Variants in MIR2052HG observed in about 807,000 individuals in gnomAD.
MIR2052HG encodes MIR2052 host gene.
chr8:74,728,742 C>T (rs192375695), intron 4 of MIR2052HG, among the ~76,000 whole-genome samples: 13 of 152,184 alleles, frequency 8.5e-5, no homozygotes, highest in Admixed American at 3.3e-4. Flanking sequence ...GAAGAAAATA[C>T]GGAGTATTCA....
chr8:74,621,277 CA>C (rs1324600585), intron 2 of MIR2052HG, among the ~76,000 whole-genome samples: 1 of 152,206 alleles, frequency 6.6e-6, no homozygotes, highest in Non-Finnish European at 1.5e-5. Context: ...CTGAGTCCTC[CA>C]AACTGTTCCA....
chr8:74,681,988 G>C (rs953860090), intron 2 of MIR2052HG, among the ~76,000 whole-genome samples: 1 of 152,286 alleles, frequency 6.6e-6, no homozygotes, highest in East Asian at 1.9e-4. Context: ...GGTTACCTAT[G>C]TAGGGGGATT....
chr8:74,741,213 A>G (rs187705696), intron 4 of MIR2052HG, among the ~76,000 whole-genome samples: 2 of 152,342 alleles, frequency 1.3e-5, no homozygotes, highest in Non-Finnish European at 2.9e-5. Context: ...ATGTTTGCCA[A>G]CATACTTGTA....
intron 1 of MIR2052HG, chr8:74,604,377 G>C (rs1250323732): frequency 9.5e-6 from 4 of 419,756 alleles, no homozygotes; most frequent in Admixed American, 6.4e-5. Flanking sequence ...GGAAGGGCGG[G>C]AGGCCGGGGG....
rs1025122469 is a variant in MIR2052HG, at chr8:74,737,679, T to A, written n.372-14762T>A. ...AGTCTAATCCTTCGTTCCCTTGGCC[T>A]GGATTCATGAGCCCACAACCTGACT... On this transcript the variant is annotated intron_variant and non_coding_transcript_variant, in intron 4 of 6. Transcript: ENST00000523442. 2.0e-5 allele frequency among the ~76,000 whole-genome samples: 3 copies of A among 152,320 alleles called. No homozygotes were observed. The South Asian group carries it at 6.2e-4, about 32-fold the overall frequency.
At chr8:74,605,919 A>G (rs1808103595) in intron 1 of MIR2052HG, among the ~76,000 whole-genome samples, 1 of 152,194 alleles carries the variant, frequency 6.6e-6, no homozygotes, top group Non-Finnish European at 1.5e-5. Context: ...ACACTTTGAG[A>G]CAAATTAAGA....
chr8:74,662,042 A>T lies in MIR2052HG; in HGVS notation n.217-40337A>T, dbSNP rs115410696. The stretch of plus-strand genomic sequence containing the variant: ...CTAAAATACACAGGTTAAAAATTTT[A>T]CCCTACCTTTAGGCATAGTTATTCC... On this transcript the variant is annotated intron_variant and non_coding_transcript_variant, in intron 2 of 6. Coordinates refer to ENST00000523442, the Ensembl canonical transcript of MIR2052HG. Among the ~76,000 whole-genome samples, 1,461 of 152,272 alleles carry T rather than the reference A, an allele frequency of 9.6e-3. 23 individuals are homozygous for T. Among genetic ancestry groups the T allele is most frequent in the African/African-American group, 0.032 (1,331 of 41,536 alleles).
chr8:74,637,279 C>A (rs1312650052), intron 2 of MIR2052HG, among the ~76,000 whole-genome samples: 1 of 152,028 alleles, frequency 6.6e-6, no homozygotes, highest in Admixed American at 6.6e-5. Flanking sequence ...TTAGGGTGTA[C>A]ATGGAAAAGA....
chr8:74,687,775 TTAATAA>T (rs1435105764), intron 2 of MIR2052HG, among the ~76,000 whole-genome samples: 1 of 152,132 alleles, frequency 6.6e-6, no homozygotes, highest in Non-Finnish European at 1.5e-5. Context: ...ATACTTATAG[TTAATAA>T]TAATGCATTG....
chr8:74,695,908 G>A (rs934717172), intron 2 of MIR2052HG, among the ~76,000 whole-genome samples: 1 of 151,964 alleles, frequency 6.6e-6, no homozygotes, highest in Non-Finnish European at 1.5e-5. Context: ...CAGCACTAGA[G>A]AGGTCATCAA....
chr8:74,644,637 T>G lies in MIR2052HG; in HGVS notation n.216+31697T>G, dbSNP rs186356864. 4.1e-4 allele frequency among the ~76,000 whole-genome samples: 62 copies of G among 152,204 alleles called. 1 individual carries two copies. The highest frequency in any genetic ancestry group is 1.5e-3 in the African/African-American group (61 of 41,524). ...CGGGCACAGTGGCTCACGCCTACAA[T>G]CCTAGCACTTTGGGGGGCTGAGGCA... On this transcript the variant is annotated intron_variant and non_coding_transcript_variant, in intron 2 of 6. Coordinates refer to ENST00000523442, the Ensembl canonical transcript of MIR2052HG.
At chr8:74,704,566 C>G (rs530490553) in intron 4 of MIR2052HG, among the ~76,000 whole-genome samples, 17 of 151,994 alleles carry the variant, frequency 1.1e-4, no homozygotes, top group African/African-American at 4.1e-4. Flanking sequence ...AAATCTGATG[C>G]CTACAGGCCT....
At chr8:74,648,189 A>G (rs1365081061) in intron 2 of MIR2052HG, among the ~76,000 whole-genome samples, 1 of 152,188 alleles carries the variant, frequency 6.6e-6, no homozygotes, top group Non-Finnish European at 1.5e-5. Context: ...AGCAAGGAAT[A>G]TTAATAATTG....
chr8:74,709,174 G>A (rs564147374), intron 4 of MIR2052HG, among the ~76,000 whole-genome samples: 1 of 152,142 alleles, frequency 6.6e-6, no homozygotes, highest in Non-Finnish European at 1.5e-5. Flanking sequence ...TGGCAAGATA[G>A]TTTCAGGGAA....
intron 2 of MIR2052HG, among the ~76,000 whole-genome samples, chr8:74,631,518 A>G (rs1808511397): frequency 1.3e-5 from 2 of 152,138 alleles, no homozygotes; most frequent in Admixed American, 1.3e-4. Context: ...ACCTTTTATG[A>G]CATAGAGGTT....
intron 2 of MIR2052HG, among the ~76,000 whole-genome samples, chr8:74,684,533 T>C (rs946684827): frequency 1.3e-5 from 2 of 152,034 alleles, no homozygotes; most frequent in Non-Finnish European, 2.9e-5. Context: ...CAAGATCACA[T>C]GAGTAAGTGA....
chr8:74,750,384 C>G (rs539900676), intron 4 of MIR2052HG, among the ~76,000 whole-genome samples: 5 of 152,118 alleles, frequency 3.3e-5, no homozygotes, highest in Admixed American at 3.3e-4. Context: ...ATTTTTTTCT[C>G]GCTGAAAAAT....
intron 2 of MIR2052HG, among the ~76,000 whole-genome samples, chr8:74,700,177 T>C (rs1809344599): frequency 1.3e-5 from 2 of 152,210 alleles, no homozygotes; most frequent in Non-Finnish European, 2.9e-5. Flanking sequence ...GCTTAATGTA[T>C]GAGCACATGC....
intron 2 of MIR2052HG, among the ~76,000 whole-genome samples, chr8:74,675,178 T>C (rs971568568): frequency 6.6e-6 from 1 of 152,000 alleles, no homozygotes. Flanking sequence ...AAAGACAGAC[T>C]GTAAGCAAAC....
Sources: allele counts gnomAD v4.1 joint callset (sites outside exome capture counted in the v4.1 genomes callset), GRCh38; gene constraint gnomAD v4.1.1; transcripts MANE v1.5; gene names NCBI Gene and HGNC (gene_info 2026-07-23, HGNC 2026-07-21).